ZNF254: variants seen among roughly 807,000 people sequenced by gnomAD.
ZNF254 encodes the protein CTD-2017D11.1.
Under a neutral mutation model 12.4 loss-of-function variants are expected in ZNF254, and 10 were observed. The ratio of observed to expected loss-of-function variants is 0.80; its 90% CI spans 0.50 to 1.36. ZNF254 has a LOEUF of 1.36. Ranked by LOEUF, ZNF254 falls within the 40% of genes most tolerant of loss-of-function variation. The pLI, the probability that ZNF254 is intolerant of heterozygous loss-of-function variation, is 0.00. For missense variants in ZNF254, 996 were observed against 763.9 expected (o/e 1.30, Z -3.58); for synonymous variants, 305 against 253.4 (o/e 1.20, Z -1.93).
chr19:24,044,683 C>T (rs1003762179), intron 1 of ZNF254, among the ~76,000 whole-genome samples: 1 of 151,964 alleles, frequency 6.6e-6, no homozygotes, highest in African/African-American at 2.4e-5. Context: ...AGAATATATT[C>T]GAAATATTAC....
At chr19:24,070,127 A>G (rs1971428540) in intron 2 of ZNF254, among the ~76,000 whole-genome samples, 1 of 152,182 alleles carries the variant, frequency 6.6e-6, no homozygotes, top group Non-Finnish European at 1.5e-5. Flanking sequence ...TCATAGGCAG[A>G]TGAGGACTCT....
At position 24,081,968 on chromosome 19, in the gene ZNF254, C is replaced by T. The variant is rs111887457; in HGVS notation, c.-93-23972C>T. 9.5e-4 allele frequency among the ~76,000 whole-genome samples: 145 copies of T among 151,926 alleles called. 1 individual carries two copies. Among genetic ancestry groups the T allele is most frequent in the African/African-American group, 3.4e-3 (140 of 41,446 alleles). On this transcript the variant is annotated intron_variant, in intron 2 of 4. Coordinates refer to the ZNF254 transcript ENST00000613065. The stretch of plus-strand genomic sequence containing the variant: ...CGAAACCCCGTCTCTACTAAAAATA[C>T]AAAAATTAGCTGGGTGTGGTGGTGT...
intron 2 of ZNF254, 180 bp from the exon 3 acceptor site, chr19:24,106,368 T>C: frequency 1.9e-6 from 1 of 533,862 alleles, no homozygotes; most frequent in Non-Finnish European, 2.9e-6. Flanking sequence ...TACCAGGCAG[T>C]GAAATTAAGA....
At chr19:24,110,506 C>A (rs890642216) in intron 3 of ZNF254, among the ~76,000 whole-genome samples, 2 of 151,562 alleles carry the variant, frequency 1.3e-5, no homozygotes, top group African/African-American at 4.9e-5. Context: ...TGTGAGGCTG[C>A]AGTGAGCCAT....
intron 3 of ZNF254, among the ~76,000 whole-genome samples, chr19:24,119,045 G>A (rs1328501256): frequency 6.6e-6 from 1 of 152,006 alleles, no homozygotes; most frequent in Non-Finnish European, 1.5e-5. Flanking sequence ...CCAGGAGACA[G>A]AGATTGGAGT....
intron 2 of ZNF254, among the ~76,000 whole-genome samples, chr19:24,073,218 GGAGAGA>G (rs1347213028): frequency 1.3e-5 from 2 of 152,158 alleles, no homozygotes; most frequent in Non-Finnish European, 2.9e-5. Context: ...AGTGCCCACT[GGAGAGA>G]TCCTGAATTT....
intron 1 of ZNF254, among the ~76,000 whole-genome samples, chr19:24,087,857 A>C (rs536175901): frequency 1.3e-5 from 2 of 152,172 alleles, no homozygotes; most frequent in East Asian, 3.9e-4. Flanking sequence ...GGTTCATGAT[A>C]AAGAAAACCA....
chr19:24,126,114 A>T (rs1031487703), intron 3 of ZNF254, 140 bp from the exon 4 acceptor site: 1 of 504,144 alleles, frequency 2.0e-6, no homozygotes, highest in Middle Eastern at 5.5e-4. Flanking sequence ...ATTTATGTCT[A>T]TGAAAGAATT....
chr19:24,113,366 G>T (rs1041591008), intron 3 of ZNF254, among the ~76,000 whole-genome samples: 1 of 152,154 alleles, frequency 6.6e-6, no homozygotes, highest in African/African-American at 2.4e-5. Context: ...GGGATGCAGG[G>T]CTGGTTCAAT....
At position 24,122,616 on chromosome 19, in the gene ZNF254, C is replaced by T. The variant is rs759242320; in HGVS notation, c.254-3638C>T. 4.5e-4 allele frequency among the ~76,000 whole-genome samples: 68 copies of T among 151,372 alleles called. 2 individuals carry two copies. The highest frequency in any genetic ancestry group is 3.9e-4 in the East Asian group (2 of 5,156). On this transcript the variant is annotated intron_variant, in intron 3 of 3. Transcript: ENST00000357002. Reference sequence around the variant, plus strand: ...CCTTCATATATTTCATACAATCTGTCGTTTTGTGGCTGGCTCATTTCATTT... The same window carrying T: ...CCTTCATATATTTCATACAATCTGTTGTTTTGTGGCTGGCTCATTTCATTT...
intron 2 of ZNF254, among the ~76,000 whole-genome samples, chr19:24,077,539 A>G (rs1048139398): frequency 6.6e-6 from 1 of 152,226 alleles, no homozygotes; most frequent in Non-Finnish European, 1.5e-5. Context: ...TGTACCTGAG[A>G]ATGCAGCACT....
rs775664967 is a variant in ZNF254, at chr19:24,126,506, C to T, written c.506C>T (p.Ser169Leu). 1 of 1,588,668 alleles carries T rather than the reference C, an allele frequency of 6.3e-7. No homozygotes were observed. The highest frequency in any genetic ancestry group is 8.5e-7 in the Non-Finnish European group (1 of 1,172,364). The change falls in exon 4 of 4, where the codon TCA becomes TTA. Residue 169 changes from serine (S) to leucine (L), a missense_variant. Transcript: ENST00000357002. ...YLKVFYKFLNSNRPKIRHTEK... is the reference protein window; with the variant it reads ...YLKVFYKFLNLNRPKIRHTEK... ...AAAGTCTTCTATAAATTTTTAAATT[C>T]AAACAGACCTAAGATAAGACATACT...
At chr19:24,106,520 A>G (rs1255121517) in intron 2 of ZNF254, 28 bp from the exon 3 acceptor site, 2 of 1,539,914 alleles carry the variant, frequency 1.3e-6, no homozygotes, top group South Asian at 1.1e-5. Context: ...TATAAGCAAG[A>G]TTCATTTAGT....
At position 24,102,455 on chromosome 19, in the gene ZNF254, G is replaced by T. The variant is rs190049070; in HGVS notation, c.31-3485G>T. 7.7e-4 allele frequency among the ~76,000 whole-genome samples: 116 copies of T among 150,820 alleles called. 2 individuals carry two copies. Among genetic ancestry groups the T allele is most frequent in the African/African-American group, 2.4e-3 (97 of 41,092 alleles). ...TAAAAAAAAAATACTCCCCAGTGGT[G>T]TAAAGAACAGAATTTTACATCAACT... On this transcript the variant is annotated intron_variant, in intron 1 of 3. Transcript: ENST00000357002.
intron 2 of ZNF254, among the ~76,000 whole-genome samples, chr19:24,058,153 G>A (rs1970931556): frequency 6.6e-6 from 1 of 152,146 alleles, no homozygotes; most frequent in South Asian, 2.1e-4. Context: ...ACAGAAGCGG[G>A]TTATGTACAG....
At chr19:24,104,621 A>G (rs944827866) in intron 1 of ZNF254, 7 of 152,126 alleles carry the variant, frequency 4.6e-5, no homozygotes, top group Admixed American at 6.5e-5. Context: ...AAATTTTTCT[A>G]TATACAAGAA....
At chr19:24,096,094 C>A (rs911546132) in intron 1 of ZNF254, among the ~76,000 whole-genome samples, 2 of 118,530 alleles carry the variant, frequency 1.7e-5, no homozygotes, top group Non-Finnish European at 3.5e-5. Flanking sequence ...GAGTTTTACT[C>A]TTGTTGTCCA....
intron 1 of ZNF254, among the ~76,000 whole-genome samples, chr19:24,045,373 T>C (rs1025984219): frequency 3.3e-5 from 5 of 151,712 alleles, no homozygotes; most frequent in African/African-American, 7.3e-5. Context: ...TAGACTGAGG[T>C]ATAAAAGGAA....
intron 1 of ZNF254, chr19:24,105,366 AC>A: frequency 4.3e-6 from 1 of 234,384 alleles, no homozygotes; most frequent in South Asian, 5.2e-5. Context: ...AAAAAAAAAA[AC>A]AAAAAACAAA....
Sources: allele counts gnomAD v4.1 joint callset (sites outside exome capture counted in the v4.1 genomes callset), GRCh38; gene constraint gnomAD v4.1.1; transcripts MANE v1.5; gene names NCBI Gene and HGNC (gene_info 2026-07-23, HGNC 2026-07-21).